The following DOCK2 variants were observed in gnomAD, a reference collection of about 807,000 sequenced individuals.
The protein encoded by DOCK2 is dedicator of cytokinesis protein 2.
A neutral mutation model predicts 248.9 loss-of-function variants in DOCK2; 87 were observed. The ratio of observed to expected loss-of-function variants is 0.35; its 90% CI spans 0.29 to 0.42. The LOEUF (loss-of-function observed/expected upper bound fraction) is 0.42. DOCK2 is among the 10% of genes least tolerant of loss of function. DOCK2 has a pLI of 1.00. For synonymous variants in DOCK2, 805 were observed against 821.6 expected, an observed-to-expected ratio of 0.98 and a Z score of 0.35; for missense variants, 1,747 against 2,300.2, an observed-to-expected ratio of 0.76 and a Z score of 4.92.
chr5:169,835,952 C>T (rs183064367), intron 26 of DOCK2, among the ~76,000 whole-genome samples: 71 of 152,134 alleles, frequency 4.7e-4, no homozygotes, highest in African/African-American at 1.7e-3. Context: ...GATGGGATTT[C>T]GCCCTGTTGC....
chr5:169,945,243 A>G (rs1297999612), intron 27 of DOCK2, among the ~76,000 whole-genome samples: 2 of 152,260 alleles, frequency 1.3e-5, no homozygotes, highest in African/African-American at 4.8e-5. Flanking sequence ...GGACTGTGTT[A>G]TCATTCATAC....
chr5:169,773,413 C>T (rs566763567), intron 25 of DOCK2, among the ~76,000 whole-genome samples: 12 of 152,054 alleles, frequency 7.9e-5, no homozygotes, highest in African/African-American at 2.7e-4. Flanking sequence ...CCGATCACTT[C>T]TTTAATAGCA....
chr5:169,862,561 C>G (rs994163019), intron 27 of DOCK2, among the ~76,000 whole-genome samples: 1 of 152,154 alleles, frequency 6.6e-6, no homozygotes, highest in Non-Finnish European at 1.5e-5. Context: ...TGAAATGTGG[C>G]TTCTTAAGTA....
chr5:169,744,354 AT>A (rs1474366456), intron 22 of DOCK2, among the ~76,000 whole-genome samples: 1 of 152,202 alleles, frequency 6.6e-6, no homozygotes, highest in African/African-American at 2.4e-5. Context: ...GTCACATAAT[AT>A]TTATAAGATG....
At chr5:169,976,701 C>G (rs1777729208) in intron 27 of DOCK2, among the ~76,000 whole-genome samples, 1 of 151,602 alleles carries the variant, frequency 6.6e-6, no homozygotes, top group South Asian at 2.1e-4. Context: ...AATTCAGGCC[C>G]CTCTTCGAGC....
At chr5:169,644,201 T>G (rs928757751) in intron 1 of DOCK2, among the ~76,000 whole-genome samples, 11 of 151,986 alleles carry the variant, frequency 7.2e-5, no homozygotes, top group African/African-American at 2.7e-4. Context: ...CATTGCAGGA[T>G]TTGGAGTAGA....
intron 27 of DOCK2, among the ~76,000 whole-genome samples, chr5:169,919,221 A>G (rs1257856668): frequency 6.6e-6 from 1 of 152,190 alleles, no homozygotes; most frequent in Non-Finnish European, 1.5e-5. Flanking sequence ...GGCCTTGAGA[A>G]GCTGCATAAG....
chr5:169,868,483 G>T (rs59272885), intron 27 of DOCK2, among the ~76,000 whole-genome samples: 1 of 152,194 alleles, frequency 6.6e-6, no homozygotes, highest in African/African-American at 2.4e-5. Context: ...AATAGGCTGG[G>T]CGCAGTGGCT....
At chr5:169,958,613 G>A (rs1337470388) in intron 27 of DOCK2, among the ~76,000 whole-genome samples, 2 of 151,584 alleles carry the variant, frequency 1.3e-5, no homozygotes, top group East Asian at 1.9e-4. Context: ...TTTACAAAAT[G>A]TGGTTTAAAT....
rs186847414 is a variant in DOCK2, at chr5:170,059,554, C to T, written c.4467+1888C>T. On this transcript the variant is annotated intron_variant, in intron 44 of 51. Coordinates refer to ENST00000520908, the MANE Select transcript of DOCK2 (RefSeq NM_004946.3). ...GCCCAAAGCACTTATCTCCTAATAG[C>T]CTACATAATTTTCTTGTTTATTTTT... is the stretch of plus-strand genomic sequence containing the variant. Among the ~76,000 whole-genome samples, 24 of 152,204 alleles carry T rather than the reference C, an allele frequency of 1.6e-4. 1 individual carries two copies. In the East Asian group the frequency reaches 4.6e-3, roughly 29 times the overall value.
At chr5:170,035,061 A>G (rs1756275819) in intron 35 of DOCK2, among the ~76,000 whole-genome samples, 1 of 152,200 alleles carries the variant, frequency 6.6e-6, no homozygotes, top group African/African-American at 2.4e-5. Context: ...AGTCACACTA[A>G]TAACTAGAAT....
intron 25 of DOCK2, among the ~76,000 whole-genome samples, chr5:169,771,932 A>G (rs1445912816): frequency 6.6e-6 from 1 of 152,008 alleles, no homozygotes; most frequent in African/African-American, 2.4e-5. Flanking sequence ...TAGGAATCTG[A>G]TTTTTGTCTT....
intron 22 of DOCK2, among the ~76,000 whole-genome samples, chr5:169,728,285 A>T (rs745510319): frequency 6.6e-6 from 1 of 152,212 alleles, no homozygotes; most frequent in Non-Finnish European, 1.5e-5. Context: ...GCAGGCAGTT[A>T]GATACAGATT....
At chr5:170,082,497 C>T (rs1581582954) in intron 51 of DOCK2, among the ~76,000 whole-genome samples, 1 of 152,128 alleles carries the variant, frequency 6.6e-6, no homozygotes, top group South Asian at 2.1e-4. Context: ...GAGTCAGGCA[C>T]CATGCTAAGC....
At chr5:170,071,493 G>A (rs1383417297) in intron 46 of DOCK2, among the ~76,000 whole-genome samples, 2 of 152,256 alleles carry the variant, frequency 1.3e-5, no homozygotes, top group South Asian at 2.1e-4. Context: ...TTTCAAGATC[G>A]ATAGCTTGTT....
chr5:170,003,478 C>T (rs1754912320), intron 30 of DOCK2, among the ~76,000 whole-genome samples: 1 of 152,358 alleles, frequency 6.6e-6, no homozygotes, highest in Admixed American at 6.5e-5. Flanking sequence ...AAGTGCTCCT[C>T]AAATCAGGAA....
Position 169,873,688 on chromosome 5 carries a change from T to C in DOCK2, c.2799+32836T>C, listed in dbSNP as rs189585183. 2.1e-3 allele frequency among the ~76,000 whole-genome samples: 323 copies of C among 152,374 alleles called. 2 individuals carry two copies. The highest frequency in any genetic ancestry group is 3.9e-3 in the Admixed American group (59 of 15,308). On this transcript the variant is annotated intron_variant, in intron 27 of 51. Transcript: ENST00000520908. Reference sequence around the variant, plus strand: ...AAGTTGGCTGCTAAACCCATAGGACTGAGTGCATATTGCATTTCTAGAGAA... The same window carrying C: ...AAGTTGGCTGCTAAACCCATAGGACCGAGTGCATATTGCATTTCTAGAGAA...
intron 27 of DOCK2, among the ~76,000 whole-genome samples, chr5:169,909,160 A>G (rs17670333): frequency 0.03 from 4,550 of 152,240 alleles, 120 homozygotes; most frequent in East Asian, 0.1. Context: ...TTCTTTATCT[A>G]TCAGGGCTCA....
chr5:169,755,771 A>G (rs959474095), intron 23 of DOCK2, among the ~76,000 whole-genome samples: 1 of 152,138 alleles, frequency 6.6e-6, no homozygotes, highest in African/African-American at 2.4e-5. Context: ...TAAAAACAAT[A>G]ATAATAATAG....
Sources: allele counts gnomAD v4.1 joint callset (sites outside exome capture counted in the v4.1 genomes callset), GRCh38; gene constraint gnomAD v4.1.1; transcripts MANE v1.5; gene names NCBI Gene and HGNC (gene_info 2026-07-23, HGNC 2026-07-21).